The following FBXO10 variants were observed in gnomAD, a reference collection of about 807,000 sequenced individuals.
The protein encoded by FBXO10 is F-box protein 10.
Under a neutral mutation model 80.7 loss-of-function variants are expected in FBXO10, and 39 were observed. The ratio of observed to expected loss-of-function variants is 0.48; its 90% CI spans 0.37 to 0.63. The LOEUF is 0.63. FBXO10 is among the 30% of genes least tolerant of loss of function. The pLI, the probability that FBXO10 is intolerant of heterozygous loss-of-function variation, is 0.00. For synonymous variants in FBXO10, 449 were observed against 489.6 expected, an observed-to-expected ratio of 0.92 and a Z score of 1.09; for missense variants, 1,025 against 1,269.0, an observed-to-expected ratio of 0.81 and a Z score of 2.92.
intron 8 of FBXO10, among the ~76,000 whole-genome samples, chr9:37,520,265 A>G (rs1039067108): frequency 1.4e-5 from 2 of 141,214 alleles, no homozygotes; most frequent in African/African-American, 5.3e-5. Flanking sequence ...TGAACTACAC[A>G]GTAATTATTT....
At chr9:37,544,326 A>G (rs550617553) in intron 1 of FBXO10, among the ~76,000 whole-genome samples, 131 of 152,226 alleles carry the variant, frequency 8.6e-4, no homozygotes, top group African/African-American at 3.0e-3. Context: ...TCAGCTACTC[A>G]GGAGGCTGAG....
chr9:37,516,469 G>A (rs1821181158), intron 9 of FBXO10, among the ~76,000 whole-genome samples: 1 of 152,178 alleles, frequency 6.6e-6, no homozygotes, highest in South Asian at 2.1e-4. Flanking sequence ...CAAAGCCCCA[G>A]CATTTTTACT....
intron 1 of FBXO10, among the ~76,000 whole-genome samples, chr9:37,554,206 C>A (rs1406386487): frequency 1.3e-5 from 2 of 152,194 alleles, no homozygotes; most frequent in Non-Finnish European, 2.9e-5. Flanking sequence ...CCTTTTGTAA[C>A]TATACACGTC....
At chr9:37,574,828 A>G (rs1822851872) in intron 1 of FBXO10, among the ~76,000 whole-genome samples, 1 of 152,222 alleles carries the variant, frequency 6.6e-6, no homozygotes, top group South Asian at 2.1e-4. Context: ...AAGCCCCTTG[A>G]GGACAGGGAC....
chr9:37,550,075 C>T (rs1191363783), intron 1 of FBXO10, among the ~76,000 whole-genome samples: 1 of 151,638 alleles, frequency 6.6e-6, no homozygotes, highest in African/African-American at 2.4e-5. Context: ...TTCTATTCAT[C>T]CACTATTTGG....
chr9:37,537,909 T>G lies in FBXO10; in HGVS notation c.620A>C (p.Asn207Thr). Reference sequence around the variant, plus strand: ...GACCTGGATGTGCCCGTTCTCAAAGTTGCAGTTGTCAAACTGGACGTGACC... The same window carrying G: ...GACCTGGATGTGCCCGTTCTCAAAGGTGCAGTTGTCAAACTGGACGTGACC... ...TSGHVQFDNC[N>T]FENGHIQVHG... Residue 207 changes from asparagine (N) to threonine (T), a missense_variant, in exon 3 of 11, where the codon AAC becomes ACC. Around this residue, in one of 3 missense-constraint regions of FBXO10, gnomAD observed 450 missense variants for 499.4 expected, o/e 0.90. Transcript: ENST00000432825. The G allele has an allele frequency of 6.2e-7, 1 of 1,613,924 alleles. No homozygotes were observed. Among genetic ancestry groups the G allele is most frequent in the South Asian group, 1.1e-5 (1 of 91,082 alleles).
chr9:37,513,616 G>A (rs1342783607), intron 10 of FBXO10, among the ~76,000 whole-genome samples: 5 of 151,870 alleles, frequency 3.3e-5, no homozygotes, highest in Non-Finnish European at 5.9e-5. Flanking sequence ...CCGAGACGGA[G>A]TCTTGCTCTG....
At chr9:37,566,117 C>CT (rs1822599114) in intron 1 of FBXO10, among the ~76,000 whole-genome samples, 1 of 152,150 alleles carries the variant, frequency 6.6e-6, no homozygotes, top group Admixed American at 6.5e-5. Flanking sequence ...TGAAATGACT[C>CT]TGACAAAAGG....
intron 10 of FBXO10, 24 bp from the exon 11 acceptor site, chr9:37,512,745 G>T (rs1821094392): frequency 1.9e-6 from 3 of 1,605,724 alleles, no homozygotes; most frequent in Non-Finnish European, 2.6e-6. Flanking sequence ...ACGAAAGTCA[G>T]TGAACTTCTG....
At chr9:37,567,932 C>T (rs946491969) in intron 1 of FBXO10, among the ~76,000 whole-genome samples, 1 of 152,116 alleles carries the variant, frequency 6.6e-6, no homozygotes, top group Admixed American at 6.6e-5. Flanking sequence ...GTGTTGCAGT[C>T]CTCTACCTCA....
chr9:37,538,520 C>T (rs1437528889), intron 2 of FBXO10, among the ~76,000 whole-genome samples: 2 of 152,028 alleles, frequency 1.3e-5, no homozygotes, highest in Non-Finnish European at 2.9e-5. Context: ...CCAGCCTTGT[C>T]AACATGGTGA....
chr9:37,553,916 CAAAAAAAAAA>C (rs71494669), intron 1 of FBXO10, among the ~76,000 whole-genome samples: 7 of 64,330 alleles, frequency 1.1e-4, no homozygotes, highest in Non-Finnish European at 1.7e-4. Flanking sequence ...AAGTCTGCCT[CAAAAAAAAAA>C]AAAAAAAAAA....
intron 1 of FBXO10, among the ~76,000 whole-genome samples, chr9:37,563,158 T>C (rs1323190024): frequency 6.6e-6 from 1 of 152,190 alleles, no homozygotes; most frequent in African/African-American, 2.4e-5. Context: ...CTTGCACTCA[T>C]TCTCTCTCCT....
Position 37,557,859 on chromosome 9 carries a change from C to T in FBXO10, c.-6-16085G>A, listed in dbSNP as rs534583483. Among the ~76,000 whole-genome samples the T allele has an allele frequency of 7.2e-5, 11 of 152,304 alleles. No individual in the cohort carries two copies. In the South Asian group the frequency reaches 2.3e-3, roughly 32 times the overall value. On this transcript the variant is annotated intron_variant, in intron 1 of 10. Coordinates refer to ENST00000432825, the MANE Select transcript of FBXO10 (RefSeq NM_012166.3). ...CTTCAATTTAAAACCACCAGAAGGACATCATTATCCCCATTTTCATAACCT... is the reference window on the plus strand; with the variant it reads ...CTTCAATTTAAAACCACCAGAAGGATATCATTATCCCCATTTTCATAACCT...
At chr9:37,565,189 G>T (rs1001267897) in intron 1 of FBXO10, among the ~76,000 whole-genome samples, 1 of 152,110 alleles carries the variant, frequency 6.6e-6, no homozygotes, top group Non-Finnish European at 1.5e-5. Flanking sequence ...CACCATGATT[G>T]TAAGTTTCCT....
chr9:37,513,761 T>C (rs752515859), intron 10 of FBXO10, among the ~76,000 whole-genome samples: 1 of 152,122 alleles, frequency 6.6e-6, no homozygotes, highest in Non-Finnish European at 1.5e-5. Flanking sequence ...AGCTAATTTT[T>C]GTATTTTTAG....
At chr9:37,526,697 T>A (rs1821480115) in intron 5 of FBXO10, among the ~76,000 whole-genome samples, 1 of 152,108 alleles carries the variant, frequency 6.6e-6, no homozygotes, top group African/African-American at 2.4e-5. Flanking sequence ...CCGGGGAGAA[T>A]CCACTCCTCA....
intron 1 of FBXO10, among the ~76,000 whole-genome samples, chr9:37,567,246 G>C (rs952486579): frequency 1.3e-5 from 2 of 150,548 alleles, no homozygotes; most frequent in Non-Finnish European, 2.9e-5. Context: ...GGGCTCAAGT[G>C]ATCTTCCAGC....
In FBXO10 at chr9:37,514,424, A is replaced by T. The variant is rs149747306; in HGVS notation, c.2696+1480T>A. On this transcript the variant is annotated intron_variant, in intron 10 of 10. Transcript: ENST00000432825. ...AGTCCACAATATAATCTGCTGGGAT[A>T]TTGGAAGAAAATACTAGAATTTTGG... is the stretch of plus-strand genomic sequence containing the variant. Among the ~76,000 whole-genome samples the T allele has an allele frequency of 5.6e-4, 86 of 152,342 alleles. 1 individual carries two copies. The highest frequency in any genetic ancestry group is 3.9e-3 in the Admixed American group (60 of 15,308).
Sources: allele counts gnomAD v4.1 joint callset (sites outside exome capture counted in the v4.1 genomes callset), GRCh38; gene constraint gnomAD v4.1.1; regional missense constraint gnomAD v4.1.1; transcripts MANE v1.5; gene names NCBI Gene and HGNC (gene_info 2026-07-23, HGNC 2026-07-21).